SPEF2: variants seen among roughly 807,000 people sequenced by gnomAD.
SPEF2 encodes the protein sperm flagella and cilia-associated protein 2.
In SPEF2, 187 loss-of-function variants were observed where a neutral mutation model predicts 224.6. That is an observed-to-expected ratio of 0.83 (90% CI 0.74 to 0.94). The LOEUF (loss-of-function observed/expected upper bound fraction) is 0.94. Ranked by LOEUF, SPEF2 falls within the 40% of genes least tolerant of loss-of-function variation. The pLI is 0.00. For missense variants in SPEF2, 2,170 were observed against 2,135.6 expected, an observed-to-expected ratio of 1.02 and a Z score of -0.32; for synonymous variants, 715 against 707.3, an observed-to-expected ratio of 1.01 and a Z score of -0.17.
chr5:35,711,349 T>G (rs1040856134), intron 19 of SPEF2, among the ~76,000 whole-genome samples: 5 of 64,236 alleles, frequency 7.8e-5, no homozygotes, highest in African/African-American at 2.2e-4. Flanking sequence ...TGTTAAAAAT[T>G]TTGTGATTTT....
At chr5:35,708,607 T>TACCACCAGCACCA (rs1324649838) in intron 18 of SPEF2, among the ~76,000 whole-genome samples, 51 of 82,860 alleles carry the variant, frequency 6.2e-4, no homozygotes, top group South Asian at 8.5e-4. Flanking sequence ...CACCACAGAC[T>TACCACCAGCACCA]TCACCACCTC....
intron 8 of SPEF2, among the ~76,000 whole-genome samples, chr5:35,659,632 C>T (rs750633103): frequency 6.6e-6 from 1 of 152,076 alleles, no homozygotes; most frequent in South Asian, 2.1e-4. Flanking sequence ...ACTTTGTTTC[C>T]TTGAATATCT....
chr5:35,702,773 C>G (rs958998078), intron 16 of SPEF2, among the ~76,000 whole-genome samples: 2 of 152,092 alleles, frequency 1.3e-5, no homozygotes, highest in Non-Finnish European at 2.9e-5. Context: ...CAATTTGGAG[C>G]CAATTATAGA....
chr5:35,620,905 A>G (rs574735152), intron 1 of SPEF2, among the ~76,000 whole-genome samples: 2 of 152,336 alleles, frequency 1.3e-5, no homozygotes, highest in South Asian at 2.1e-4. Flanking sequence ...TGACTTACAC[A>G]TGAATTTTCA....
intron 23 of SPEF2, among the ~76,000 whole-genome samples, chr5:35,742,535 ATTC>A (rs906969623): frequency 3.3e-5 from 5 of 152,006 alleles, no homozygotes; most frequent in African/African-American, 9.7e-5. Flanking sequence ...CAAATATTAG[ATTC>A]TTTTTTGTTA....
chr5:35,659,708 C>T (rs1475844692), intron 8 of SPEF2, among the ~76,000 whole-genome samples: 2 of 152,024 alleles, frequency 1.3e-5, no homozygotes, highest in East Asian at 3.9e-4. Flanking sequence ...GATAGTCTAA[C>T]TTTCAGTTCC....
intron 10 of SPEF2, among the ~76,000 whole-genome samples, chr5:35,679,977 C>T (rs1752564439): frequency 6.6e-6 from 1 of 152,020 alleles, no homozygotes; most frequent in African/African-American, 2.4e-5. Context: ...ATGATGTTAC[C>T]CATTTGTTTT....
intron 2 of SPEF2, among the ~76,000 whole-genome samples, chr5:35,634,226 T>A (rs1485133351): frequency 6.6e-6 from 1 of 152,148 alleles, no homozygotes; most frequent in Non-Finnish European, 1.5e-5. Flanking sequence ...TGAGTTATCT[T>A]AGTTTTTGTT....
intron 21 of SPEF2, among the ~76,000 whole-genome samples, chr5:35,736,351 A>G (rs1283717645): frequency 1.3e-5 from 2 of 152,256 alleles, no homozygotes; most frequent in Non-Finnish European, 1.5e-5. Flanking sequence ...TCATTTATAA[A>G]AGAAAGAGGT....
At chr5:35,674,337 CT>C (rs35129181) in intron 10 of SPEF2, among the ~76,000 whole-genome samples, 34,573 of 94,330 alleles carry the variant, frequency 0.37, 4,834 homozygotes, top group Non-Finnish European at 0.42. Context: ...TTTTCGTCTT[CT>C]TTTTTTTTTT....
chr5:35,622,049 A>G (rs1037682679), intron 1 of SPEF2, among the ~76,000 whole-genome samples: 11 of 152,196 alleles, frequency 7.2e-5, no homozygotes, highest in African/African-American at 2.7e-4. Flanking sequence ...GTTAATTAAT[A>G]TATTAGGATA....
intron 25 of SPEF2, among the ~76,000 whole-genome samples, chr5:35,760,995 G>T (rs569937457): frequency 6.6e-6 from 1 of 152,210 alleles, no homozygotes; most frequent in South Asian, 2.1e-4. Context: ...TATCAGATAT[G>T]AGGAGGGGAA....
At chr5:35,808,547 G>A (rs907526934) in intron 36 of SPEF2, among the ~76,000 whole-genome samples, 5 of 151,862 alleles carry the variant, frequency 3.3e-5, no homozygotes, top group Admixed American at 1.3e-4. Context: ...ATGGTTTCCA[G>A]CTTCATCCAT....
At chr5:35,753,844 A>C in intron 24 of SPEF2, 83 bp downstream of exon 24, 1 of 1,552,650 alleles carries the variant, frequency 6.4e-7, no homozygotes, top group Non-Finnish European at 8.8e-7. Flanking sequence ...TTTCTTGGGA[A>C]TATGAGAGGT....
chr5:35,752,907 A>G (rs1357285884), intron 23 of SPEF2, among the ~76,000 whole-genome samples: 1 of 150,474 alleles, frequency 6.6e-6, no homozygotes, highest in East Asian at 1.9e-4. Context: ...TGTGATAACT[A>G]TTTTTATTAT....
chr5:35,648,389 G>GT (rs938671675), intron 5 of SPEF2, among the ~76,000 whole-genome samples: 20 of 145,170 alleles, frequency 1.4e-4, no homozygotes, highest in Middle Eastern at 3.5e-3. Flanking sequence ...TTTTTTGTTT[G>GT]TTTTTTTTCT....
chr5:35,712,970 A>G (rs1741482071), intron 20 of SPEF2, 84 bp downstream of exon 20: 1 of 1,226,658 alleles, frequency 8.2e-7, no homozygotes. Flanking sequence ...TTTGTATAGT[A>G]GTATACATTG....
intron 19 of SPEF2, chr5:35,710,285 T>C (rs1380489380): frequency 3.1e-6 from 3 of 976,180 alleles, no homozygotes; most frequent in Non-Finnish European, 3.7e-6. Flanking sequence ...AGGCCAAGCA[T>C]GGTGGCTCAT....
intron 2 of SPEF2, among the ~76,000 whole-genome samples, chr5:35,629,784 G>A (rs1306404616): frequency 6.6e-6 from 1 of 151,956 alleles, no homozygotes; most frequent in Non-Finnish European, 1.5e-5. Context: ...TTATATCAAT[G>A]GAATCACACA....
Sources: allele counts gnomAD v4.1 joint callset (sites outside exome capture counted in the v4.1 genomes callset), GRCh38; gene constraint gnomAD v4.1.1; transcripts MANE v1.5; gene names NCBI Gene and HGNC (gene_info 2026-07-23, HGNC 2026-07-21).